Variants in SETD2 observed in about 807,000 individuals in gnomAD.
SETD2 encodes SET domain containing 2, histone lysine methyltransferase.
Under a neutral mutation model 242.1 loss-of-function variants are expected in SETD2, and 31 were observed. The observed-to-expected ratio is 0.13, with a 90% CI of 0.10 to 0.17. The LOEUF (loss-of-function observed/expected upper bound fraction) is 0.17, where lower values mean the gene tolerates loss of function less well. Among genes scored for constraint, SETD2 ranks in the 10% least tolerant of loss-of-function variants. The pLI is 1.00. For synonymous variants in SETD2, 1,006 were observed against 1,066.5 expected, an observed-to-expected ratio of 0.94 and a Z score of 1.11; for missense variants, 2,481 against 3,046.3, an observed-to-expected ratio of 0.81 and a Z score of 4.37.
chr3:47,051,230 G>A (rs1380740850), intron 15 of SETD2, among the ~76,000 whole-genome samples: 30 of 151,668 alleles, frequency 2.0e-4, no homozygotes, highest in African/African-American at 6.8e-4. Flanking sequence ...TCAGCCTCCC[G>A]AGTAGCTGGG....
intron 11 of SETD2, 50 bp downstream of exon 11, chr3:47,086,145 G>A (rs567075864): frequency 6.3e-7 from 1 of 1,597,488 alleles, no homozygotes; most frequent in South Asian, 1.1e-5. Flanking sequence ...CACAACCGAG[G>A]CAATCAATAT....
At chr3:47,144,909 C>A (rs551974304) in intron 1 of SETD2, among the ~76,000 whole-genome samples, 7 of 152,130 alleles carry the variant, frequency 4.6e-5, no homozygotes, top group African/African-American at 1.4e-4. Flanking sequence ...TGAGATCACA[C>A]CACTGCACTC....
chr3:47,045,159 G>A (rs182821044), intron 16 of SETD2, among the ~76,000 whole-genome samples: 2 of 152,094 alleles, frequency 1.3e-5, no homozygotes, highest in African/African-American at 2.4e-5. Flanking sequence ...AGGCTGAAGC[G>A]GGCGGATCAT....
At chr3:47,086,705 A>T (rs1170639790) in intron 10 of SETD2, among the ~76,000 whole-genome samples, 8 of 152,006 alleles carry the variant, frequency 5.3e-5, no homozygotes, top group Non-Finnish European at 5.9e-5. Flanking sequence ...TGATTGTTGA[A>T]AAGACCTCTT....
intron 14 of SETD2, among the ~76,000 whole-genome samples, chr3:47,058,703 T>C (rs2040194106): frequency 6.6e-6 from 1 of 151,698 alleles, no homozygotes; most frequent in Non-Finnish European, 1.5e-5. Context: ...TTTTTTGACA[T>C]TATGGAGAAG....
rs1256470239 is a variant in SETD2 at position 47,121,914 on chromosome 3, G to C, written c.2722C>G (p.Leu908Val). ...TTTTTACTCTTTAGCACTGCATCCA[G>C]AACTGGAGATGTGTTCTCTCCGCAT... ...LKCGENTSPV[L>V]DAVLKSKKSS... Residue 908 changes from leucine to valine, a missense_variant, in exon 3 of 21, where the codon CTG becomes GTG. Transcript: ENST00000409792. 6.2e-7 allele frequency: 1 copy of C among 1,613,874 alleles called. No homozygotes were observed.
At chr3:47,034,994 C>T (rs943489944) in intron 18 of SETD2, among the ~76,000 whole-genome samples, 15 of 152,168 alleles carry the variant, frequency 9.9e-5, no homozygotes, top group African/African-American at 3.6e-4. Context: ...TTTCAAGAGC[C>T]TACTCCCCAG....
chr3:47,039,357 G>C (rs183518253), intron 17 of SETD2, among the ~76,000 whole-genome samples: 1 of 151,982 alleles, frequency 6.6e-6, no homozygotes, highest in Non-Finnish European at 1.5e-5. Context: ...TGGGATTACA[G>C]GTGCGTGTCA....
In SETD2 at chr3:47,026,393, C is replaced by T. The variant is rs551580232; in HGVS notation, c.7351-6553G>A. On this transcript the variant is annotated intron_variant, in intron 18 of 20. Transcript: ENST00000409792. Reference sequence around the variant, plus strand: ...AGTTCAACCATTGTGGAAGACAGTGCGGCAATTCCTCAAGGATCTAGAACC... The same window carrying T: ...AGTTCAACCATTGTGGAAGACAGTGTGGCAATTCCTCAAGGATCTAGAACC... Among the ~76,000 whole-genome samples the T allele has an allele frequency of 1.7e-3, 253 of 152,254 alleles. 7 individuals carry two copies. In the South Asian group the frequency reaches 0.049, roughly 29 times the overall value.
chr3:47,093,544 A>T (rs972057791), intron 9 of SETD2, among the ~76,000 whole-genome samples: 1 of 152,126 alleles, frequency 6.6e-6, no homozygotes, highest in Non-Finnish European at 1.5e-5. Context: ...TCGGCCTCCC[A>T]AAGTGCTGGG....
chr3:47,037,636 T>A, intron 18 of SETD2, 30 bp downstream of exon 18: 1 of 1,544,946 alleles, frequency 6.5e-7, no homozygotes, highest in Non-Finnish European at 8.9e-7. Context: ...TCCCAAATGA[T>A]CAGGAAATAC....
chr3:47,087,643 A>G (rs1234683986), intron 10 of SETD2, among the ~76,000 whole-genome samples: 1 of 152,162 alleles, frequency 6.6e-6, no homozygotes, highest in East Asian at 1.9e-4. Flanking sequence ...ACAAGCTTTG[A>G]AAGTCATACA....
At chr3:47,160,350 GGA>G (rs1307581988) in intron 1 of SETD2, among the ~76,000 whole-genome samples, 1 of 151,652 alleles carries the variant, frequency 6.6e-6, no homozygotes, top group African/African-American at 2.4e-5. Flanking sequence ...CCCCCAGGCT[GGA>G]GTGCAGTGGC....
chr3:47,134,094 C>T (rs1260772821), intron 1 of SETD2, among the ~76,000 whole-genome samples: 1 of 152,186 alleles, frequency 6.6e-6, no homozygotes, highest in Non-Finnish European at 1.5e-5. Flanking sequence ...GGGAACTCTT[C>T]TCAATTACTA....
chr3:47,019,683 G>T, intron 19 of SETD2, 77 bp downstream of exon 19: 1 of 1,235,244 alleles, frequency 8.1e-7, no homozygotes, highest in South Asian at 1.2e-5. Context: ...GGAGATATTC[G>T]ACATACTTAG....
At chr3:47,078,441 G>A (rs944259323) in intron 12 of SETD2, among the ~76,000 whole-genome samples, 1 of 148,034 alleles carries the variant, frequency 6.8e-6, no homozygotes, top group African/African-American at 2.5e-5. Flanking sequence ...AAGGCAGACC[G>A]AAGAACTATT....
At chr3:47,119,059 T>C (rs1294715314) in intron 3 of SETD2, among the ~76,000 whole-genome samples, 2 of 152,132 alleles carry the variant, frequency 1.3e-5, no homozygotes, top group Admixed American at 6.5e-5. Flanking sequence ...AGAGGAAAAT[T>C]TGATTTAATA....
In SETD2 at chr3:47,056,958, T is replaced by C; in HGVS notation, c.6826A>G (p.Asn2276Asp). Residue 2276 changes from asparagine (N) to aspartate (D), a missense_variant, in exon 15 of 21, where the codon AAC becomes GAC. This residue lies in a region of SETD2 where 235 missense variants were observed against 293.9 expected (regional missense o/e 0.80). Transcript: ENST00000409792. ...TGCTGTACACTGACAGACTGTTGGT[T>C]TGAATCCCAAACACTATAATTCTGT... ...QGQNYSVWDS[N>D]QQSVSVQQQY... 6.2e-7 allele frequency: 1 copy of C among 1,614,262 alleles called. No individual in the cohort carries two copies. The highest frequency in any genetic ancestry group is 8.5e-7 in the Non-Finnish European group (1 of 1,180,052).
chr3:47,037,759 A>G lies in SETD2; in HGVS notation c.7257T>C (p.Pro2419=). ...HVITRQTQWD[P]PTWESPGDDA... is the part of the protein sequence containing the mutation. ...CATCTCCTGGGCTTTCCCAAGTAGG[A>G]GGATCCCACTGAGTCTGCCTAGAAA... Residue 2419 remains proline, a synonymous_variant, in exon 18 of 21, where the codon CCT becomes CCC. Transcript: ENST00000409792. 6.2e-7 allele frequency: 1 copy of G among 1,613,576 alleles called. No homozygotes were observed. The highest frequency in any genetic ancestry group is 8.5e-7 in the Non-Finnish European group (1 of 1,179,634).
Sources: allele counts gnomAD v4.1 joint callset (sites outside exome capture counted in the v4.1 genomes callset), GRCh38; gene constraint gnomAD v4.1.1; regional missense constraint gnomAD v4.1.1; transcripts MANE v1.5; gene names NCBI Gene and HGNC (gene_info 2026-07-23, HGNC 2026-07-21).